The following ARHGAP6 variants were observed in gnomAD, a reference collection of about 807,000 sequenced individuals.
ARHGAP6 encodes the protein rho GTPase-activating protein 6.
Under a neutral mutation model 55.7 loss-of-function variants are expected in ARHGAP6, and 16 were observed. The ratio of observed to expected loss-of-function variants is 0.29; its 90% confidence interval spans 0.19 to 0.44. The LOEUF is 0.44. Among genes scored for constraint, ARHGAP6 ranks in the 20% least tolerant of loss-of-function variants. The probability of loss-of-function intolerance (pLI) is 1.00; values close to 1 mark genes in which losing one functional copy is unlikely to be tolerated. For synonymous variants in ARHGAP6, 382 were observed against 360.9 expected (o/e 1.06, Z -0.66); for missense variants, 698 against 808.9 (o/e 0.86, Z 1.66).
At chrX:11,307,936 T>G (rs1163497320) in intron 1 of ARHGAP6, among the ~76,000 whole-genome samples, 1 of 112,733 alleles carries the variant, frequency 8.9e-6, no homozygotes, top group Non-Finnish European at 1.9e-5. Flanking sequence ...TGAAATCACT[T>G]AACAAACTGT....
chrX:11,193,731 G>A (rs1473499779), intron 3 of ARHGAP6, among the ~76,000 whole-genome samples: 1 of 112,468 alleles, frequency 8.9e-6, no homozygotes, highest in East Asian at 2.8e-4. Context: ...CTGAGCCTAT[G>A]TAAATATGAT....
At chrX:11,300,093 C>T (rs2048151268) in intron 1 of ARHGAP6, among the ~76,000 whole-genome samples, 1 of 111,867 alleles carries the variant, frequency 8.9e-6, no homozygotes, top group South Asian at 3.7e-4. Flanking sequence ...ATTGGCTATT[C>T]TAGTCCAAGG....
chrX:11,423,680 C>T (rs185671673), intron 1 of ARHGAP6, among the ~76,000 whole-genome samples: 96 of 112,796 alleles, frequency 8.5e-4, no homozygotes, highest in African/African-American at 3.0e-3. Context: ...ACTGTGCTTC[C>T]AGCACTCTGC....
At chrX:11,252,673 A>G (rs1326025222) in intron 2 of ARHGAP6, among the ~76,000 whole-genome samples, 2 of 112,656 alleles carry the variant, frequency 1.8e-5, no homozygotes, top group African/African-American at 6.5e-5. Flanking sequence ...GGTAGTGAAC[A>G]AACCGTGACA....
chrX:11,545,961 C>T (rs965632681), intron 1 of ARHGAP6, among the ~76,000 whole-genome samples: 28 of 110,674 alleles, frequency 2.5e-4, no homozygotes, highest in African/African-American at 8.9e-4. Context: ...AGAACGGAGC[C>T]GCTGTGATTT....
At chrX:11,264,871 CTA>C (rs762491933) in intron 1 of ARHGAP6, among the ~76,000 whole-genome samples, 3 of 112,151 alleles carry the variant, frequency 2.7e-5, no homozygotes, top group Admixed American at 1.9e-4. Flanking sequence ...AACCTAAGGA[CTA>C]TGTTACCATC....
At chrX:11,479,812 C>A (rs770742664) in intron 1 of ARHGAP6, among the ~76,000 whole-genome samples, 2 of 111,350 alleles carry the variant, frequency 1.8e-5, no homozygotes, top group South Asian at 7.7e-4. Context: ...AAATTTGGTT[C>A]TTAAATTCAC....
intron 1 of ARHGAP6, among the ~76,000 whole-genome samples, chrX:11,456,417 G>T (rs1378066758): frequency 8.9e-6 from 1 of 111,901 alleles, no homozygotes; most frequent in Non-Finnish European, 1.9e-5. Flanking sequence ...AGAGAGACCT[G>T]CCCTGCCCAA....
chrX:11,350,027 C>T (rs1221642604), intron 1 of ARHGAP6, among the ~76,000 whole-genome samples: 5 of 111,794 alleles, frequency 4.5e-5, no homozygotes, highest in African/African-American at 9.8e-5. Flanking sequence ...TAAAATAAAA[C>T]GTAAGGAAAC....
intron 1 of ARHGAP6, among the ~76,000 whole-genome samples, chrX:11,436,996 G>A (rs982009783): frequency 9.0e-6 from 1 of 110,613 alleles, no homozygotes; most frequent in African/African-American, 3.3e-5. Context: ...TAAAGACCAA[G>A]GAATTGTTCA....
chrX:11,560,226 C>T (rs1212039727), intron 1 of ARHGAP6, among the ~76,000 whole-genome samples: 2 of 111,120 alleles, frequency 1.8e-5, no homozygotes, highest in Admixed American at 1.9e-4. Flanking sequence ...TTTCAGTTAC[C>T]CAAGTTGTCT....
intron 10 of ARHGAP6, chrX:11,148,678 T>C (rs1181230328): frequency 1.3e-5 from 5 of 373,810 alleles, no homozygotes; most frequent in Non-Finnish European, 1.6e-5. Flanking sequence ...GGCAGGGTAC[T>C]GTGGGCAGGC....
At chrX:11,248,382 A>C (rs1446503935) in intron 2 of ARHGAP6, among the ~76,000 whole-genome samples, 1 of 112,281 alleles carries the variant, frequency 8.9e-6, no homozygotes, top group Non-Finnish European at 1.9e-5. Context: ...GCAAGAACCC[A>C]AAAGCAAATG....
intron 2 of ARHGAP6, among the ~76,000 whole-genome samples, chrX:11,211,799 C>T (rs1227819300): frequency 8.9e-6 from 1 of 112,149 alleles, no homozygotes; most frequent in Non-Finnish European, 1.9e-5. Context: ...CCTTGGCCTC[C>T]CAAAGTGCTG....
chrX:11,408,137 A>C (rs1035928304), intron 1 of ARHGAP6, among the ~76,000 whole-genome samples: 1 of 111,190 alleles, frequency 9.0e-6, no homozygotes, highest in Non-Finnish European at 1.9e-5. Context: ...TCTTCTGTCC[A>C]TTAGTCAAAG....
chrX:11,286,049 C>T (rs1360593932), intron 1 of ARHGAP6, among the ~76,000 whole-genome samples: 5 of 111,942 alleles, frequency 4.5e-5, no homozygotes, highest in Admixed American at 9.5e-5. Flanking sequence ...ACCATTAATT[C>T]TTACTGTTGT....
At chrX:11,647,998 G>A (rs765320065) in intron 1 of ARHGAP6, among the ~76,000 whole-genome samples, 18 of 111,758 alleles carry the variant, frequency 1.6e-4, no homozygotes, top group African/African-American at 5.5e-4. Flanking sequence ...GGATATTAGC[G>A]GAAAAACTGA....
chrX:11,425,814 G>C, intron 1 of ARHGAP6, among the ~76,000 whole-genome samples: 1 of 111,307 alleles, frequency 9.0e-6, no homozygotes, highest in Middle Eastern at 4.6e-3. Flanking sequence ...TAAAATTAAG[G>C]AGCCCGTTCT....
At chrX:11,442,850 T>C (rs2050053625) in intron 1 of ARHGAP6, among the ~76,000 whole-genome samples, 1 of 112,158 alleles carries the variant, frequency 8.9e-6, no homozygotes, top group Non-Finnish European at 1.9e-5. Flanking sequence ...GGGCTAATTA[T>C]GTGGTTGTTT....
Sources: allele counts gnomAD v4.1 joint callset (sites outside exome capture counted in the v4.1 genomes callset), GRCh38; gene constraint gnomAD v4.1.1; transcripts MANE v1.5; gene names NCBI Gene and HGNC (gene_info 2026-07-23, HGNC 2026-07-21).